The following DPYD variants were observed in gnomAD, a reference collection of about 807,000 sequenced individuals.
The protein encoded by DPYD is dihydropyrimidine dehydrogenase, also known as dihydropyrimidine dehydrogenase [NADP(+)].
A neutral mutation model predicts 116.2 loss-of-function variants in DPYD; 109 were observed. The ratio of observed to expected loss-of-function variants is 0.94; its 90% CI spans 0.80 to 1.10. The LOEUF is 1.10. DPYD is among the 50% of genes least tolerant of loss of function. The probability of loss-of-function intolerance (pLI) is 0.00; values close to 1 mark genes in which losing one functional copy is unlikely to be tolerated. For synonymous variants in DPYD, 440 were observed against 432.0 expected, an observed-to-expected ratio of 1.02 and a Z score of -0.23; for missense variants, 1,302 against 1,254.5, an observed-to-expected ratio of 1.04 and a Z score of -0.57.
At chr1:97,125,177 A>G (rs1045805245) in intron 20 of DPYD, among the ~76,000 whole-genome samples, 4 of 152,092 alleles carry the variant, frequency 2.6e-5, no homozygotes, top group Admixed American at 6.6e-5. Flanking sequence ...ATTTTCAGAA[A>G]AGAAGAAATA....
chr1:97,813,097 G>C (rs976743041), intron 3 of DPYD, among the ~76,000 whole-genome samples: 7 of 152,078 alleles, frequency 4.6e-5, no homozygotes, highest in African/African-American at 7.2e-5. Context: ...GTAGTGACTG[G>C]CTCGAACTGG....
chr1:97,416,933 A>G (rs183640187), intron 14 of DPYD, among the ~76,000 whole-genome samples: 9 of 152,284 alleles, frequency 5.9e-5, no homozygotes, highest in African/African-American at 2.2e-4. Context: ...AACAATTTCA[A>G]TTTTCAAAAG....
chr1:97,214,826 C>G (rs1660267713), intron 19 of DPYD, among the ~76,000 whole-genome samples: 2 of 152,094 alleles, frequency 1.3e-5, no homozygotes, highest in Non-Finnish European at 2.9e-5. Flanking sequence ...AATGCATTAC[C>G]TTGTATTCAA....
At chr1:97,616,825 T>C (rs1656300347) in intron 8 of DPYD, among the ~76,000 whole-genome samples, 1 of 152,228 alleles carries the variant, frequency 6.6e-6, no homozygotes, top group African/African-American at 2.4e-5. Context: ...TATTTCACTA[T>C]TGCATTAAAA....
intron 3 of DPYD, among the ~76,000 whole-genome samples, chr1:97,778,700 A>T (rs942845515): frequency 9.9e-5 from 15 of 152,126 alleles, no homozygotes; most frequent in African/African-American, 3.6e-4. Flanking sequence ...TTGCTGTATC[A>T]ATATATATAG....
intron 19 of DPYD, among the ~76,000 whole-genome samples, chr1:97,223,388 AAC>A (rs67855545): frequency 0.014 from 2,110 of 148,322 alleles, 39 homozygotes; most frequent in African/African-American, 0.042. Flanking sequence ...GATAGAATTA[AAC>A]ACACACACAC....
At chr1:97,453,406 A>C (rs1676522467) in intron 13 of DPYD, among the ~76,000 whole-genome samples, 2 of 152,128 alleles carry the variant, frequency 1.3e-5, no homozygotes, top group South Asian at 4.1e-4. Flanking sequence ...CTGTATGCTA[A>C]GAACACATCT....
chr1:97,082,510 A>G (rs753231909), intron 21 of DPYD, 40 bp from the exon 22 acceptor site: 3 of 1,609,148 alleles, frequency 1.9e-6, no homozygotes, highest in Non-Finnish European at 2.5e-6. Context: ...GCTCATTTTA[A>G]AACATTTTCA....
chr1:97,615,113 A>C (rs1656184823), intron 8 of DPYD, among the ~76,000 whole-genome samples: 1 of 152,156 alleles, frequency 6.6e-6, no homozygotes. Flanking sequence ...TAAGGTCTCT[A>C]ACCATGAGTA....
At chr1:97,777,416 A>C (rs1005680693) in intron 3 of DPYD, among the ~76,000 whole-genome samples, 1 of 152,172 alleles carries the variant, frequency 6.6e-6, no homozygotes, top group African/African-American at 2.4e-5. Flanking sequence ...AATCTACTGT[A>C]TGTTGCTTAC....
rs148245643 is a variant in DPYD at position 97,225,643 on chromosome 1, A to G, written c.2442+9209T>C. On this transcript the variant is annotated intron_variant, in intron 19 of 22. Transcript: ENST00000370192. ...ACCCCTTAAAAGACATATGGTTTGA[A>G]AATATTTTTCCAAATCCATAGGAAG... Among the ~76,000 whole-genome samples, 1,406 of 151,590 alleles carry G rather than the reference A, an allele frequency of 9.3e-3. 15 individuals carry two copies. Among genetic ancestry groups the G allele is most frequent in the Non-Finnish European group, 0.015 (1,024 of 67,828 alleles).
chr1:97,111,849 C>G (rs1057142692), intron 20 of DPYD, among the ~76,000 whole-genome samples: 2 of 152,084 alleles, frequency 1.3e-5, no homozygotes, highest in East Asian at 3.9e-4. Flanking sequence ...GCTTCCAATT[C>G]TGGCTCCATT....
chr1:97,688,839 A>T (rs1237278318), intron 7 of DPYD, among the ~76,000 whole-genome samples: 3 of 151,978 alleles, frequency 2.0e-5, no homozygotes, highest in African/African-American at 7.2e-5. Context: ...CATGTACAGA[A>T]ATAAACATGA....
At chr1:97,642,894 AAATTAAATT>A (rs1196994048) in intron 8 of DPYD, among the ~76,000 whole-genome samples, 13 of 143,574 alleles carry the variant, frequency 9.1e-5, no homozygotes, top group African/African-American at 3.2e-4. Flanking sequence ...TAATAAAATT[AAATTAAATT>A]AAATTAAATT....
At chr1:97,462,920 C>CA (rs1677104787) in intron 13 of DPYD, among the ~76,000 whole-genome samples, 1 of 152,090 alleles carries the variant, frequency 6.6e-6, no homozygotes. Flanking sequence ...GCTTCATCTG[C>CA]ATAATAAGAA....
intron 1 of DPYD, among the ~76,000 whole-genome samples, chr1:97,895,541 G>C (rs1673015478): frequency 6.6e-6 from 1 of 151,778 alleles, no homozygotes; most frequent in South Asian, 2.1e-4. Flanking sequence ...ATATATATAT[G>C]GGCTGGCAAG....
chr1:97,523,418 C>T (rs896848768), intron 12 of DPYD, among the ~76,000 whole-genome samples: 5 of 152,120 alleles, frequency 3.3e-5, no homozygotes, highest in Non-Finnish European at 7.4e-5. Flanking sequence ...AACTCCATGA[C>T]AAGTATAGAC....
chr1:97,662,348 T>G (rs1384253121), intron 8 of DPYD, among the ~76,000 whole-genome samples: 1 of 151,814 alleles, frequency 6.6e-6, no homozygotes, highest in Non-Finnish European at 1.5e-5. Context: ...GAATACCAGC[T>G]GTGTACATCA....
intron 14 of DPYD, among the ~76,000 whole-genome samples, chr1:97,441,318 A>T (rs10875089): frequency 6.6e-6 from 1 of 151,826 alleles, no homozygotes; most frequent in South Asian, 2.1e-4. Context: ...AACTTCCTTC[A>T]GGGACTCTAA....
Sources: gnomAD v4.1 joint callset for allele counts (sites outside exome capture counted in the v4.1 genomes callset) on GRCh38, gnomAD v4.1.1 for gene constraint, MANE v1.5 for transcripts, NCBI Gene and HGNC (gene_info 2026-07-23, HGNC 2026-07-21) for gene names.